The following IMPG2 variants were observed in gnomAD, a reference collection of about 807,000 sequenced individuals.
The protein encoded by IMPG2 is interphotoreceptor matrix proteoglycan 2.
IMPG2 carries 91 observed loss-of-function variants against 129.2 expected under a neutral mutation model. That is an observed-to-expected ratio of 0.70 (90% CI 0.59 to 0.84). The LOEUF is 0.84. Among genes scored for constraint, IMPG2 ranks in the 40% least tolerant of loss-of-function variants. The pLI, the probability that IMPG2 is intolerant of heterozygous loss-of-function variation, is 0.00. For missense variants in IMPG2, 1,430 were observed against 1,461.7 expected (o/e 0.98, Z 0.35); for synonymous variants, 510 against 517.7 (o/e 0.99, Z 0.20).
At chr3:101,259,817 G>A (rs1706650800) in intron 9 of IMPG2, among the ~76,000 whole-genome samples, 2 of 151,994 alleles carry the variant, frequency 1.3e-5, no homozygotes, top group African/African-American at 4.8e-5. Flanking sequence ...AGATGATACT[G>A]GCTGTTGAGA....
Position 101,244,203 on chromosome 3 carries a change from G to A in IMPG2, c.2128C>T (p.Pro710Ser), listed in dbSNP as rs1284206000. The A allele has an allele frequency of 6.2e-7, 1 of 1,613,854 alleles. No homozygotes were observed. The highest frequency in any genetic ancestry group is 8.5e-7 in the Non-Finnish European group (1 of 1,179,986). The change falls in exon 13 of 19, where the codon CCT (proline) becomes TCT (serine). Residue 710 changes from proline (P) to serine (S), a missense_variant. Coordinates refer to ENST00000193391, the MANE Select transcript of IMPG2 (RefSeq NM_016247.4). ...LTLPKHISEVPGVDDYSVTKA... is the reference protein window; with the variant it reads ...LTLPKHISEVSGVDDYSVTKA... ...GTAACTGAGTAATCATCAACACCAGGTACTTCTGATATGTGCTTGGGGAGG... is the reference window on the plus strand; with the variant it reads ...GTAACTGAGTAATCATCAACACCAGATACTTCTGATATGTGCTTGGGGAGG...
intron 9 of IMPG2, among the ~76,000 whole-genome samples, chr3:101,265,049 T>A (rs778849528): frequency 2.0e-5 from 3 of 151,866 alleles, no homozygotes; most frequent in African/African-American, 7.2e-5. Flanking sequence ...TTGAAAGGGA[T>A]ACAAAAAAAT....
intron 14 of IMPG2, among the ~76,000 whole-genome samples, chr3:101,233,683 T>C (rs1207779621): frequency 6.6e-6 from 1 of 152,200 alleles, no homozygotes; most frequent in East Asian, 1.9e-4. Context: ...TCAAAAAAGA[T>C]ATGACATTGA....
intron 2 of IMPG2, among the ~76,000 whole-genome samples, chr3:101,307,220 T>A (rs1366119458): frequency 6.6e-6 from 1 of 152,224 alleles, no homozygotes; most frequent in South Asian, 2.1e-4. Context: ...AATTTTTACA[T>A]GGACAACACC....
chr3:101,243,571 G>GT lies in IMPG2; in HGVS notation c.2759dup (p.Asn920LysfsTer6). 1 of 1,613,836 alleles carries GT rather than the reference G, an allele frequency of 6.2e-7. No homozygotes were observed. Among genetic ancestry groups the GT allele is most frequent in the Non-Finnish European group, 8.5e-7 (1 of 1,179,924 alleles). On this transcript the variant is annotated frameshift_variant, in exon 13 of 19. Transcript: ENST00000193391. LOFTEE classifies it high-confidence loss of function. ...GCTCCAGGGCTTTATACTCCAAGGA[G>GT]TTTTTATTAAACAGATCTTCTGAAA...
Position 101,222,595 on chromosome 3 carries a change from T to C in IMPG2, c.*4374A>G, listed in dbSNP as rs576192752. The C allele has an allele frequency of 2.9e-4, 44 of 152,348 alleles. No individual in the cohort carries two copies. Among genetic ancestry groups the C allele is most frequent in the Middle Eastern group, 3.4e-3 (1 of 294 alleles). The allele number at this position is 152,348 out of a possible 1,614,324, so 9.4% of individuals were successfully genotyped here. On this transcript the variant is annotated 3_prime_UTR_variant, in exon 19 of 19. Transcript: ENST00000193391. ...AATGAAAATAGTACAGTTGTATACATAGGAAAACATCCTTATTTATTCATA... is the reference window on the plus strand; with the variant it reads ...AATGAAAATAGTACAGTTGTATACACAGGAAAACATCCTTATTTATTCATA...
chr3:101,312,648 GA>G (rs1707280305), intron 2 of IMPG2, among the ~76,000 whole-genome samples: 1 of 151,972 alleles, frequency 6.6e-6, no homozygotes, highest in Non-Finnish European at 1.5e-5. Context: ...ATATGACCCA[GA>G]AATTCTACTC....
chr3:101,249,624 T>C (rs1038882837), intron 11 of IMPG2, among the ~76,000 whole-genome samples: 1 of 151,430 alleles, frequency 6.6e-6, no homozygotes, highest in African/African-American at 2.4e-5. Context: ...AATAACCAAA[T>C]CTTCTGAATC....
rs191865207 is a variant in IMPG2, at chr3:101,228,822, C to T, written c.3688G>A (p.Ala1230Thr). Residue 1230 changes from alanine (A) to threonine (T), a missense_variant, in exon 18 of 19, where the codon GCA (alanine) becomes ACA (threonine). Physicochemically the swap from Ala to Thr is moderately conservative, Grantham distance 58. Transcript: ENST00000193391. ...LELYANDPEF[A>T]AFVREQQVEE... is the part of the protein sequence containing the mutation. ...ACTTGTTGCTCTCTCACAAAAGCTG[C>T]AAACTCAGGATCATTGGCATACAGT... The T allele has an allele frequency of 6.2e-7, 1 of 1,613,970 alleles. No homozygotes were observed. The highest frequency in any genetic ancestry group is 8.5e-7 in the Non-Finnish European group (1 of 1,179,920).
At chr3:101,240,790 C>G (rs1420233565) in intron 14 of IMPG2, among the ~76,000 whole-genome samples, 2 of 152,306 alleles carry the variant, frequency 1.3e-5, no homozygotes, top group South Asian at 4.1e-4. Context: ...ATTTTCTTCA[C>G]TTTCAATGAG....
chr3:101,267,374 C>A (rs922209604), intron 9 of IMPG2, 137 bp downstream of exon 9: 4 of 779,490 alleles, frequency 5.1e-6, no homozygotes, highest in Admixed American at 4.3e-5. Context: ...GTTTGACAAA[C>A]CCTGATCTGA....
rs1470454627 is a variant in IMPG2 at position 101,244,803 on chromosome 3, T to G, written c.1544-16A>C. On this transcript the variant is annotated splice_polypyrimidine_tract_variant and intron_variant, in intron 12 of 18. Coordinates refer to ENST00000193391, the MANE Select transcript of IMPG2 (RefSeq NM_016247.4). Reference sequence around the variant, plus strand: ...TTGGCTAATCCTAAAAATAAAGTTTTCCATTAATTAATCTACAGAGTTGCC... The same window carrying G: ...TTGGCTAATCCTAAAAATAAAGTTTGCCATTAATTAATCTACAGAGTTGCC... 6.2e-7 allele frequency: 1 copy of G among 1,608,500 alleles called. No individual in the cohort carries two copies. The highest frequency in any genetic ancestry group is 1.7e-5 in the Admixed American group (1 of 59,890).
intron 3 of IMPG2, among the ~76,000 whole-genome samples, chr3:101,294,071 A>T (rs1437124658): frequency 1.3e-5 from 2 of 152,016 alleles, no homozygotes; most frequent in Non-Finnish European, 1.5e-5. Context: ...ATTTATTTTT[A>T]TTTATTTATT....
At chr3:101,237,980 G>A (rs1279456289) in intron 14 of IMPG2, among the ~76,000 whole-genome samples, 1 of 151,856 alleles carries the variant, frequency 6.6e-6, no homozygotes, top group African/African-American at 2.4e-5. Context: ...CTTGAAAAAA[G>A]GTTAGACGAA....
rs186110527 is a variant in IMPG2 at position 101,294,037 on chromosome 3, A to G, written c.502-2527T>C. 2.6e-5 allele frequency among the ~76,000 whole-genome samples: 4 copies of G among 152,306 alleles called. No homozygotes were observed. The East Asian group carries it at 5.8e-4, about 22-fold the overall frequency. ...GCTGTTTTGCTTACTTATCACTAAT[A>G]TGCTCACTGGAATAGCACTTTAAAT... On this transcript the variant is annotated intron_variant, in intron 3 of 18. Coordinates refer to ENST00000193391, the MANE Select transcript of IMPG2 (RefSeq NM_016247.4).
At chr3:101,265,519 T>C (rs370578770) in intron 9 of IMPG2, among the ~76,000 whole-genome samples, 18 of 152,062 alleles carry the variant, frequency 1.2e-4, no homozygotes, top group African/African-American at 3.9e-4. Context: ...ACTAGACCCC[T>C]CAGCTCTCAC....
intron 2 of IMPG2, among the ~76,000 whole-genome samples, chr3:101,318,017 T>A (rs1000648390): frequency 6.6e-6 from 1 of 151,758 alleles, no homozygotes; most frequent in African/African-American, 2.4e-5. Context: ...GTGCCTGTAA[T>A]CCCAGCTACT....
intron 2 of IMPG2, among the ~76,000 whole-genome samples, chr3:101,304,627 T>C (rs577726544): frequency 6.6e-6 from 1 of 152,310 alleles, no homozygotes; most frequent in South Asian, 2.1e-4. Context: ...ATATTGAGTA[T>C]ACTGTATTTA....
In IMPG2 at chr3:101,229,137, G is replaced by C. The variant is rs1377374645; in HGVS notation, c.3633+243C>G. Reference sequence around the variant, plus strand: ...GAAGGAGAGAGTACCAGTTAATAACGCAAAAAAAAAAAAAAAGCGCCATTG... The same window carrying C: ...GAAGGAGAGAGTACCAGTTAATAACCCAAAAAAAAAAAAAAAGCGCCATTG... On this transcript the variant is annotated intron_variant, in intron 17 of 18. Coordinates refer to ENST00000193391, the MANE Select transcript of IMPG2 (RefSeq NM_016247.4). 9.0e-5 allele frequency among the ~76,000 whole-genome samples: 6 copies of C among 66,588 alleles called. No homozygotes were observed. In the Admixed American group the frequency reaches 1.0e-3, roughly 11 times the overall value. The allele number at this position is 66,588 out of a possible 152,430, so 43.7% of individuals were successfully genotyped here.
Sources: gnomAD v4.1 joint callset for allele counts (sites outside exome capture counted in the v4.1 genomes callset) on GRCh38, gnomAD v4.1.1 for gene constraint, MANE v1.5 for transcripts, NCBI Gene and HGNC (gene_info 2026-07-23, HGNC 2026-07-21) for gene names.